ZBTB21: variants seen among roughly 807,000 people sequenced by gnomAD.
The protein encoded by ZBTB21 is zinc finger and BTB domain containing 21.
In ZBTB21, 10 loss-of-function variants were observed where a neutral mutation model predicts 39.8. The ratio of observed to expected loss-of-function variants is 0.25; its 90% CI spans 0.16 to 0.43. The LOEUF (loss-of-function observed/expected upper bound fraction) is 0.43. ZBTB21 is among the 20% of genes least tolerant of loss of function. The pLI is 1.00. For synonymous variants in ZBTB21, 551 were observed against 498.8 expected (o/e 1.10, Z -1.40); for missense variants, 1,221 against 1,296.3 (o/e 0.94, Z 0.89).
rs75162236 is a variant in ZBTB21, at chr21:41,998,089, T to C, written c.-13-3981A>G. ...GAAAGTGGGCAGATTAACCCCACCATACTCTCGATGCAGACAAAGCCATTT... is the reference window on the plus strand; with the variant it reads ...GAAAGTGGGCAGATTAACCCCACCACACTCTCGATGCAGACAAAGCCATTT... On this transcript the variant is annotated intron_variant, in intron 2 of 2. Transcript: ENST00000310826. Among the ~76,000 whole-genome samples, 648 of 152,212 alleles carry C rather than the reference T, an allele frequency of 4.3e-3. 7 individuals are homozygous for C. Among genetic ancestry groups the C allele is most frequent in the African/African-American group, 0.015 (609 of 41,530 alleles).
intron 2 of ZBTB21, among the ~76,000 whole-genome samples, chr21:41,994,584 C>T (rs1247955629): frequency 6.6e-6 from 1 of 152,172 alleles, no homozygotes; most frequent in East Asian, 1.9e-4. Flanking sequence ...GGTTGCAAAG[C>T]AGGTCTTGTG....
At position 41,988,208 on chromosome 21, in the gene ZBTB21, T is replaced by TA. The variant is rs10701032; in HGVS notation, c.*2686dup. On this transcript the variant is annotated 3_prime_UTR_variant, in exon 3 of 3. Transcript: ENST00000310826. ...TATGTTACTCCTTCCTTCTCCCACA[T>TA]AAACGATTCAGTATCAAGTTCTCAG... 6.6e-6 allele frequency: 1 copy of TA among 151,752 alleles called. No individual in the cohort carries two copies. Among genetic ancestry groups the TA allele is most frequent in the African/African-American group, 2.4e-5 (1 of 41,310 alleles). The allele number at this position is 151,752 out of a possible 1,614,324, so 9.4% of individuals were successfully genotyped here.
At chr21:41,997,421 C>A (rs1747856871) in intron 2 of ZBTB21, among the ~76,000 whole-genome samples, 1 of 151,784 alleles carries the variant, frequency 6.6e-6, no homozygotes, top group South Asian at 2.1e-4. Flanking sequence ...ACTAAAAATA[C>A]AAAAATTAGC....
chr21:42,007,916 G>C (rs7277270), intron 1 of ZBTB21: 40,923 of 152,034 alleles, frequency 0.27, 5,953 homozygotes, highest in Middle Eastern at 0.41. Flanking sequence ...ACTGGACGAT[G>C]ATTCCCAAAT....
chr21:42,010,135 A>C (rs1208161494), intron 1 of ZBTB21, 117 bp downstream of exon 1: 1 of 387,782 alleles, frequency 2.6e-6, no homozygotes. Context: ...GTGGAGAAAA[A>C]AGAGGAGAGA....
chr21:41,991,853 G>C lies in ZBTB21; in HGVS notation c.2243C>G (p.Ala748Gly), dbSNP rs1356873285. 1 of 1,614,156 alleles carries C rather than the reference G, an allele frequency of 6.2e-7. No homozygotes were observed. Among genetic ancestry groups the C allele is most frequent in the East Asian group, 2.2e-5 (1 of 44,884 alleles). The change falls in exon 3 of 3, where the codon GCC becomes GGC. Residue 748 changes from alanine (A) to glycine (G), a missense_variant. This residue lies in a region of ZBTB21 where 523 missense variants were observed against 542.5 expected (regional missense o/e 0.96). Transcript: ENST00000310826. This position sits in a 1 kb window ranked among gnomAD's most constrained non-coding sequence, Gnocchi z 4.9. ...CCTGAGGCTGCAGTAAGGGCAGACG[G>C]CCGCGTTCCGGCACAGCCGCTCGTG... ...GSHERLCRNAAVCPYCSLRFF... is the reference protein window; with the variant it reads ...GSHERLCRNAGVCPYCSLRFF...
In ZBTB21 at chr21:41,993,535, A is replaced by G. The variant is rs1214487555; in HGVS notation, c.561T>C (p.Asn187=). ...SPSIAVKANT[N]KPHVPKPIEP... ...CTATTGGTTTTGGGACATGTGGCTT[A>G]TTGGTATTGGCCTTGACTGCAATGC... The change falls in exon 3 of 3, where the codon AAT becomes AAC. Residue 187 remains asparagine, a synonymous_variant. Coordinates refer to ENST00000310826, the MANE Select transcript of ZBTB21 (RefSeq NM_001098402.2). 9.9e-6 allele frequency: 16 copies of G among 1,614,206 alleles called. No homozygotes were observed. Among genetic ancestry groups the G allele is most frequent in the Non-Finnish European group, 1.4e-5 (16 of 1,180,042 alleles).
At chr21:41,999,215 T>C (rs2146314575) in intron 2 of ZBTB21, among the ~76,000 whole-genome samples, 1 of 152,292 alleles carries the variant, frequency 6.6e-6, no homozygotes, top group South Asian at 2.1e-4. Flanking sequence ...GAATTAAAGG[T>C]ACAGATTTAA....
At position 41,992,163 on chromosome 21, in the gene ZBTB21, C is replaced by G; in HGVS notation, c.1933G>C (p.Gly645Arg). 6.2e-7 allele frequency: 1 copy of G among 1,614,198 alleles called. No homozygotes were observed. Among genetic ancestry groups the G allele is most frequent in the African/African-American group, 1.3e-5 (1 of 75,058 alleles). The change falls in exon 3 of 3, where the codon GGT becomes CGT. Residue 645 changes from glycine (G) to arginine (R), a missense_variant. Transcript: ENST00000310826. This position sits in a 1 kb window ranked among gnomAD's most constrained non-coding sequence, Gnocchi z 4.1. ...LIIKLRRGKP[G>R]FQGQSSSQAQ... is the part of the protein sequence containing the mutation. Reference sequence around the variant, plus strand: ...TGGGAGCTACTCTGTCCCTGAAAACCAGGCTTGCCGCGCCTTAACTTAATG... The same window carrying G: ...TGGGAGCTACTCTGTCCCTGAAAACGAGGCTTGCCGCGCCTTAACTTAATG...
In ZBTB21 at chr21:41,992,930, C is replaced by A. The variant is rs1370437101; in HGVS notation, c.1166G>T (p.Cys389Phe). ...GTCATCTAGGGCTGTTTTTTCACTACAATCTTTTAAAGATGACTTCTGAGA... is the reference window on the plus strand; with the variant it reads ...GTCATCTAGGGCTGTTTTTTCACTAAAATCTTTTAAAGATGACTTCTGAGA... Reference protein sequence around the residue: ...ALSQKSSLKDCSEKTALDDRP... With the variant: ...ALSQKSSLKDFSEKTALDDRP... Residue 389 changes from cysteine to phenylalanine, a missense_variant, in exon 3 of 3, where the codon TGT becomes TTT. By Grantham distance (205) the Cys-to-Phe change is radical (BLOSUM62 -2). Transcript: ENST00000310826. The surrounding 1 kb of genome is among the most constrained non-coding windows in gnomAD (Gnocchi z 4.1). 1 of 1,614,200 alleles carries A rather than the reference C, an allele frequency of 6.2e-7. No homozygotes were observed. Among genetic ancestry groups the A allele is most frequent in the Non-Finnish European group, 8.5e-7 (1 of 1,180,044 alleles).
At chr21:41,994,222 T>A in intron 2 of ZBTB21, 114 bp from the exon 3 acceptor site, 1 of 820,162 alleles carries the variant, frequency 1.2e-6, no homozygotes, top group Non-Finnish European at 1.9e-6. Flanking sequence ...TAGCAGACCG[T>A]AGGCTAACAG....
At position 41,992,335 on chromosome 21, in the gene ZBTB21, G is replaced by A. The variant is rs1412347456; in HGVS notation, c.1761C>T (p.Asn587=). The A allele has an allele frequency of 6.2e-7, 1 of 1,614,082 alleles. No individual in the cohort carries two copies. The highest frequency in any genetic ancestry group is 1.3e-5 in the African/African-American group (1 of 74,920). ...TCTGACAGTGTGTCCACACTTTGAA[G>A]TTGGTGTGAAACCTCTTGTGACAGA... ...CDICHKRFHT[N]FKVWTHCQTQ... is the part of the protein sequence containing the mutation. The change falls in exon 3 of 3, where the codon AAC becomes AAT. Residue 587 remains asparagine, a synonymous_variant. Transcript: ENST00000310826. This position sits in a 1 kb window ranked among gnomAD's most constrained non-coding sequence, Gnocchi z 4.1.
chr21:41,999,595 T>C (rs549524086), intron 2 of ZBTB21, among the ~76,000 whole-genome samples: 2 of 152,350 alleles, frequency 1.3e-5, no homozygotes, highest in Admixed American at 6.5e-5. Flanking sequence ...TAATAGTCGC[T>C]ACCATTTATA....
Position 41,989,525 on chromosome 21 carries a change from TAA to T in ZBTB21, c.*1368_*1369del, listed in dbSNP as rs1350906850. 1 of 152,174 alleles carries T rather than the reference TAA, an allele frequency of 6.6e-6. No homozygotes were observed. Among genetic ancestry groups the T allele is most frequent in the African/African-American group, 2.4e-5 (1 of 41,452 alleles). 9.4% of individuals were successfully genotyped at this position (152,174 alleles called of 1,614,324 possible). On this transcript the variant is annotated 3_prime_UTR_variant, in exon 3 of 3. Transcript: ENST00000310826. ...TACATCTAACTCCCACCCCCACAAGTAAAAGTTTTCCCTTTTGAAACACATTG... is the reference window on the plus strand; with the variant it reads ...TACATCTAACTCCCACCCCCACAAGTAAGTTTTCCCTTTTGAAACACATTG...
chr21:41,991,425 G>C lies in ZBTB21; in HGVS notation c.2671C>G (p.Pro891Ala). 2 of 1,612,080 alleles carry C rather than the reference G, an allele frequency of 1.2e-6. No homozygotes were observed. Among genetic ancestry groups the C allele is most frequent in the Non-Finnish European group, 1.7e-6 (2 of 1,179,358 alleles). ...TCTTTGGGGGCTGTGCTGGCCTCGG[G>C]TGCCTCTTCTTCAGCCTCCTCCACA... Reference protein sequence around the residue: ...EPVEEAEEEAPEASTAPKEAG... With the variant: ...EPVEEAEEEAAEASTAPKEAG... The change falls in exon 3 of 3, where the codon CCC becomes GCC. Residue 891 changes from proline (P) to alanine (A), a missense_variant. Transcript: ENST00000310826. This position sits in a 1 kb window ranked among gnomAD's most constrained non-coding sequence, Gnocchi z 4.9.
chr21:42,004,778 T>C (rs1350675365), intron 1 of ZBTB21, among the ~76,000 whole-genome samples: 1 of 152,148 alleles, frequency 6.6e-6, no homozygotes, highest in Non-Finnish European at 1.5e-5. Flanking sequence ...AATACCTAGT[T>C]AAAAAAACAA....
Position 41,991,845 on chromosome 21 carries a change from G to A in ZBTB21, c.2251C>T (p.Pro751Ser). The change falls in exon 3 of 3, where the codon CCT (proline) becomes TCT (serine). Residue 751 changes from proline (P) to serine (S), a missense_variant. By Grantham distance (74) the Pro-to-Ser change is moderately conservative. Coordinates refer to ENST00000310826, the MANE Select transcript of ZBTB21 (RefSeq NM_001098402.2). The surrounding 1 kb of genome is among the most constrained non-coding windows in gnomAD (Gnocchi z 4.9). The part of the protein sequence containing the change: ...ERLCRNAAVC[P>S]YCSLRFFSPE... ...GAGAAAAACCTGAGGCTGCAGTAAG[G>A]GCAGACGGCCGCGTTCCGGCACAGC... 1 of 1,614,196 alleles carries A rather than the reference G, an allele frequency of 6.2e-7. No homozygotes were observed. The highest frequency in any genetic ancestry group is 8.5e-7 in the Non-Finnish European group (1 of 1,180,042).
chr21:42,009,184 A>G (rs2065923814), intron 1 of ZBTB21: 1 of 152,140 alleles, frequency 6.6e-6, no homozygotes, highest in Non-Finnish European at 1.5e-5. Flanking sequence ...CCTCTCGGTC[A>G]GGCAATCCCA....
rs371004245 is a variant in ZBTB21 at position 41,992,058 on chromosome 21, G to A, written c.2038C>T (p.Arg680Cys). 4.6e-5 allele frequency: 75 copies of A among 1,614,054 alleles called. No homozygotes were observed. The highest frequency in any genetic ancestry group is 7.7e-5 in the South Asian group (7 of 91,084). The change falls in exon 3 of 3, where the codon CGC (arginine) becomes TGC (cysteine). Residue 680 changes from arginine to cysteine, a missense_variant. This residue lies in a region of ZBTB21 where 523 missense variants were observed against 542.5 expected (regional missense o/e 0.96). Transcript: ENST00000310826. This position sits in a 1 kb window ranked among gnomAD's most constrained non-coding sequence, Gnocchi z 4.1. ...TGCTGCTTAAATTGAGAGAGAAAGC[G>A]GTACGCTTTTCCGCAGTAAGTACAA... ...YICTYCGKAY[R>C]FLSQFKQHIK...
Sources: allele counts gnomAD v4.1 joint callset (sites outside exome capture counted in the v4.1 genomes callset), GRCh38; gene constraint gnomAD v4.1.1; regional missense constraint gnomAD v4.1.1; non-coding constraint Gnocchi (gnomAD v3.1); transcripts MANE v1.5; gene names NCBI Gene and HGNC (gene_info 2026-07-23, HGNC 2026-07-21).